Variants in NFXL1 observed in about 807,000 individuals in gnomAD.
NFXL1 encodes NF-X1-type zinc finger protein NFXL1.
Under a neutral mutation model 123.3 loss-of-function variants are expected in NFXL1, and 66 were observed. The observed-to-expected ratio is 0.54, with a 90% confidence interval of 0.44 to 0.66. NFXL1 has a LOEUF of 0.66. NFXL1 is among the 30% of genes least tolerant of loss of function. The probability of loss-of-function intolerance (pLI) is 0.00; values close to 1 mark genes in which losing one functional copy is unlikely to be tolerated. For synonymous variants in NFXL1, 346 were observed against 360.8 expected (o/e 0.96, Z 0.46); for missense variants, 944 against 1,125.6 (o/e 0.84, Z 2.31).
chr4:47,898,690 G>T, intron 8 of NFXL1, 67 bp downstream of exon 8: 1 of 1,052,058 alleles, frequency 9.5e-7, no homozygotes, highest in Non-Finnish European at 1.5e-6. Flanking sequence ...TAGCCTTGCT[G>T]CTTTCTAGGT....
chr4:47,880,807 T>TAAAAAAAA (rs57880960), intron 15 of NFXL1, among the ~76,000 whole-genome samples: 43 of 78,770 alleles, frequency 5.5e-4, no homozygotes, highest in Non-Finnish European at 6.7e-4. Flanking sequence ...AATTAATGAG[T>TAAAAAAAA]AAAAAAAAAA....
chr4:47,913,957 AGCCATTCTCACC>A lies in NFXL1; in HGVS notation c.235_235+11del. The A allele has an allele frequency of 4.6e-6, 7 of 1,534,730 alleles. No homozygotes were observed. The highest frequency in any genetic ancestry group is 6.2e-6 in the Non-Finnish European group (7 of 1,136,920). On this transcript the variant is annotated splice_donor_variant and splice_donor_5th_base_variant and coding_sequence_variant and intron_variant, in exon 2 of 23. Coordinates refer to ENST00000507489, the MANE Select transcript of NFXL1 (RefSeq NM_001278624.2). LOFTEE classifies it high-confidence loss of function. The stretch of plus-strand genomic sequence containing the variant: ...GCATCCAGGTGAGCACGCGGGCGGG[AGCCATTCTCACC>A]GCTGGCTGCGGTAGTCTGCAGGGCT...
chr4:47,894,212 G>A lies in NFXL1; in HGVS notation c.1420C>T (p.Arg474Cys), dbSNP rs1243002470. 3 of 1,602,928 alleles carry A rather than the reference G, an allele frequency of 1.9e-6. No homozygotes were observed. Among genetic ancestry groups the A allele is most frequent in the East Asian group, 2.3e-5 (1 of 44,314 alleles). Residue 474 changes from arginine (R) to cysteine (C), a missense_variant, in exon 11 of 23, where the codon CGT (arginine) becomes TGT (cysteine). Arg to Cys is a radical substitution (Grantham distance 180). Transcript: ENST00000507489. Reference protein sequence around the residue: ...YLCETKCVKMRDCQKHQCRRK... With the variant: ...YLCETKCVKMCDCQKHQCRRK... ...CTACATTGATGCTTCTGACAGTCAC[G>A]CATCTTAACACACTTAGTTTCACAC... is the stretch of plus-strand genomic sequence containing the variant.
intron 5 of NFXL1, among the ~76,000 whole-genome samples, chr4:47,900,299 T>A (rs1382974919): frequency 6.6e-6 from 1 of 152,146 alleles, no homozygotes; most frequent in African/African-American, 2.4e-5. Flanking sequence ...AACCTCTGCC[T>A]CCTAGGTACA....
intron 18 of NFXL1, among the ~76,000 whole-genome samples, chr4:47,865,965 G>T (rs754228246): frequency 6.6e-6 from 1 of 152,064 alleles, no homozygotes; most frequent in African/African-American, 2.4e-5. Context: ...GCAGTGAGCC[G>T]TGAGTGCGCC....
intron 12 of NFXL1, among the ~76,000 whole-genome samples, chr4:47,888,102 C>T (rs1304521058): frequency 1.3e-5 from 2 of 152,044 alleles, no homozygotes; most frequent in South Asian, 4.1e-4. Flanking sequence ...GGTGAAACCC[C>T]GGCTCTACTA....
intron 4 of NFXL1, among the ~76,000 whole-genome samples, chr4:47,903,849 A>C (rs1315997535): frequency 6.6e-6 from 1 of 152,188 alleles, no homozygotes; most frequent in Non-Finnish European, 1.5e-5. Flanking sequence ...AACTAATGCT[A>C]AATTCTAAAA....
intron 1 of NFXL1, 36 bp downstream of exon 1, chr4:47,914,329 C>G (rs6826122): frequency 0.98 from 756,854 of 770,240 alleles, 371,900 homozygotes; most frequent in East Asian, 1. Flanking sequence ...TGCAGGGCGG[C>G]GACCGGGTTT....
At chr4:47,860,644 GT>G (rs1260505116) in intron 19 of NFXL1, among the ~76,000 whole-genome samples, 1 of 152,186 alleles carries the variant, frequency 6.6e-6, no homozygotes, top group Non-Finnish European at 1.5e-5. Flanking sequence ...ATAAATAAGA[GT>G]TTATCAGTAC....
chr4:47,890,441 TATAAA>T (rs1047315267), intron 12 of NFXL1, among the ~76,000 whole-genome samples, 167 bp downstream of exon 12: 11 of 152,274 alleles, frequency 7.2e-5, no homozygotes, highest in Admixed American at 5.9e-4. Context: ...CCTCTTTGCC[TATAAA>T]ATAGAGACAC....
intron 11 of NFXL1, among the ~76,000 whole-genome samples, chr4:47,891,073 T>C (rs1401877470): frequency 6.6e-6 from 1 of 152,054 alleles, no homozygotes; most frequent in East Asian, 1.9e-4. Flanking sequence ...ATTCAACGTA[T>C]AGATTCATTT....
Position 47,848,190 on chromosome 4 carries a change from G to T in NFXL1, c.2709C>A (p.Ala903=). ...SVCGVVVVVF[A]WYITHDVN is the part of the protein sequence containing the mutation. ...AATTGACATCATGGGTGATGTACCA[G>T]GCAAACACTACAACCACAACTCCAC... The change falls in exon 23 of 23, where the codon GCC becomes GCA. Residue 903 remains alanine, a synonymous_variant. Coordinates refer to ENST00000507489, the MANE Select transcript of NFXL1 (RefSeq NM_001278624.2). The T allele has an allele frequency of 6.2e-7, 1 of 1,603,968 alleles. No homozygotes were observed. The highest frequency in any genetic ancestry group is 1.3e-5 in the African/African-American group (1 of 74,786).
intron 10 of NFXL1, among the ~76,000 whole-genome samples, chr4:47,895,990 G>A (rs1164269317): frequency 6.6e-6 from 1 of 152,160 alleles, no homozygotes; most frequent in African/African-American, 2.4e-5. Context: ...GTCTCTCAGG[G>A]AATAGGAAGG....
intron 18 of NFXL1, among the ~76,000 whole-genome samples, chr4:47,867,316 CAGA>C (rs758153000): frequency 2.0e-4 from 31 of 151,554 alleles, no homozygotes; most frequent in Non-Finnish European, 3.7e-4. Flanking sequence ...AACATATTTA[CAGA>C]AGAACATACT....
chr4:47,882,106 T>A (rs1269430640), intron 15 of NFXL1: 1 of 152,152 alleles, frequency 6.6e-6, no homozygotes, highest in African/African-American at 2.4e-5. Context: ...TGAAAGTTGG[T>A]AATAGAGAAA....
intron 19 of NFXL1, among the ~76,000 whole-genome samples, chr4:47,856,765 T>C (rs1435472605): frequency 6.6e-6 from 1 of 152,222 alleles, no homozygotes; most frequent in Non-Finnish European, 1.5e-5. Context: ...ATAGAGTAAG[T>C]CCAGGTATTT....
intron 18 of NFXL1, among the ~76,000 whole-genome samples, chr4:47,868,721 G>A (rs1735254982): frequency 1.3e-5 from 2 of 152,150 alleles, no homozygotes; most frequent in Admixed American, 6.5e-5. Context: ...AAAGATATTA[G>A]TGATATTAAA....
rs1306543877 is a variant in NFXL1 at position 47,885,505 on chromosome 4, G to A, written c.1817C>T (p.Thr606Ile). The A allele has an allele frequency of 6.2e-7, 1 of 1,611,306 alleles. No homozygotes were observed. The highest frequency in any genetic ancestry group is 1.3e-5 in the African/African-American group (1 of 74,870). Residue 606 changes from threonine to isoleucine, a missense_variant, in exon 14 of 23, where the codon ACT becomes ATT. Around this residue, in one of 4 missense-constraint regions of NFXL1, gnomAD observed 44 missense variants for 90.4 expected, o/e 0.49. Coordinates refer to ENST00000507489, the MANE Select transcript of NFXL1 (RefSeq NM_001278624.2). ...PCHDQALIKQTGRHQPTGPWE... is the reference protein window; with the variant it reads ...PCHDQALIKQIGRHQPTGPWE... ...ATAGTATTATTCCCTTACCCTGCCA[G>A]TCTGCTTTATTAATGCTTGATCATG...
intron 3 of NFXL1, 152 bp from the exon 4 acceptor site, chr4:47,905,498 C>G: frequency 6.6e-6 from 3 of 451,386 alleles, no homozygotes. Context: ...AAAAAGTAAC[C>G]AATGAGCTGT....
Sources: allele counts gnomAD v4.1 joint callset (sites outside exome capture counted in the v4.1 genomes callset), GRCh38; gene constraint gnomAD v4.1.1; regional missense constraint gnomAD v4.1.1; transcripts MANE v1.5; gene names NCBI Gene and HGNC (gene_info 2026-07-23, HGNC 2026-07-21).